The following ULK4 variants were observed in gnomAD, a reference collection of about 807,000 sequenced individuals.
The protein encoded by ULK4 is inactive serine/threonine-protein kinase ULK4.
In ULK4, 133 loss-of-function variants were observed where a neutral mutation model predicts 160.6. The ratio of observed to expected loss-of-function variants is 0.83; its 90% confidence interval spans 0.72 to 0.96. The LOEUF is 0.96. ULK4 is among the 40% of genes least tolerant of loss of function. The probability of loss-of-function intolerance (pLI) is 0.00; values close to 1 mark genes in which losing one functional copy is unlikely to be tolerated. For synonymous variants in ULK4, 534 were observed against 539.8 expected, an observed-to-expected ratio of 0.99 and a Z score of 0.15; for missense variants, 1,580 against 1,499.5, an observed-to-expected ratio of 1.05 and a Z score of -0.89.
chr3:41,495,622 A>G (rs7373305), intron 32 of ULK4, among the ~76,000 whole-genome samples: 58,242 of 147,038 alleles, frequency 0.4, 11,580 homozygotes, highest in African/African-American at 0.42. Flanking sequence ...AAAAGAAACT[A>G]CCATCAGAGT....
intron 35 of ULK4, among the ~76,000 whole-genome samples, chr3:41,323,391 A>C (rs979102172): frequency 3.3e-5 from 4 of 120,266 alleles, no homozygotes; most frequent in East Asian, 5.1e-4. Context: ...CCTGAACAAT[A>C]ACACACACAC....
chr3:41,411,509 C>T (rs1042830832), intron 34 of ULK4, among the ~76,000 whole-genome samples: 42 of 151,596 alleles, frequency 2.8e-4, no homozygotes, highest in African/African-American at 9.9e-4. Flanking sequence ...CTCACTGCAA[C>T]CTCTGCCTCC....
intron 19 of ULK4, among the ~76,000 whole-genome samples, chr3:41,807,143 T>A (rs573077567): frequency 1.3e-5 from 2 of 151,652 alleles, no homozygotes; most frequent in Non-Finnish European, 2.9e-5. Context: ...AATAAAAAAA[T>A]TTACAACACA....
intron 33 of ULK4, among the ~76,000 whole-genome samples, chr3:41,456,650 A>T (rs1330854287): frequency 6.6e-6 from 1 of 152,200 alleles, no homozygotes; most frequent in East Asian, 1.9e-4. Flanking sequence ...TTATATTAAA[A>T]AATGGTATGG....
intron 35 of ULK4, among the ~76,000 whole-genome samples, chr3:41,267,026 G>C (rs1305554739): frequency 1.4e-5 from 2 of 143,308 alleles, no homozygotes; most frequent in Non-Finnish European, 3.1e-5. Context: ...ATTGGGGGGG[G>C]GGGGTTTAAG....
chr3:41,498,305 T>C (rs1446352985), intron 32 of ULK4, among the ~76,000 whole-genome samples: 1 of 152,156 alleles, frequency 6.6e-6, no homozygotes, highest in Non-Finnish European at 1.5e-5. Flanking sequence ...AAAACACTCA[T>C]GGGTCAAAGA....
intron 30 of ULK4, among the ~76,000 whole-genome samples, chr3:41,653,614 C>A (rs1039206125): frequency 1.3e-5 from 2 of 152,166 alleles, no homozygotes; most frequent in Admixed American, 6.5e-5. Context: ...AAGTTCTATT[C>A]CTTTAAAGCA....
At chr3:41,395,018 T>C (rs929978766) in intron 35 of ULK4, among the ~76,000 whole-genome samples, 1 of 152,054 alleles carries the variant, frequency 6.6e-6, no homozygotes, top group Admixed American at 6.6e-5. Context: ...GCTATTTCTG[T>C]TATTGTTGCT....
rs565097305 is a variant in ULK4, at chr3:41,789,947, T to C, written c.2011-104A>G. 18 of 1,068,048 alleles carry C rather than the reference T, an allele frequency of 1.7e-5. 1 individual carries two copies. The South Asian group carries it at 3.9e-4, about 23-fold the overall frequency. The allele number at this position is 1,068,048 out of a possible 1,614,324, so 66.2% of individuals were successfully genotyped here. ...GTGTCAAGGAGTAGAAGGTGCTTAC[T>C]TGGCTCTTTTATTACTTATTTTGGC... On this transcript the variant is annotated intron_variant, in intron 20 of 36. Transcript: ENST00000301831.
intron 32 of ULK4, among the ~76,000 whole-genome samples, chr3:41,564,225 A>G (rs559539207): frequency 4.5e-4 from 69 of 152,206 alleles, no homozygotes; most frequent in Admixed American, 1.7e-3. Flanking sequence ...AGAACAGCAA[A>G]TATTTTTGGC....
At chr3:41,383,066 C>T (rs369906512) in intron 35 of ULK4, among the ~76,000 whole-genome samples, 38 of 151,298 alleles carry the variant, frequency 2.5e-4, no homozygotes, top group Middle Eastern at 3.5e-3. Flanking sequence ...TGTTTACAAC[C>T]ACAAGGAGGT....
intron 27 of ULK4, among the ~76,000 whole-genome samples, chr3:41,685,926 A>C (rs1328733598): frequency 6.6e-6 from 1 of 152,238 alleles, no homozygotes; most frequent in Non-Finnish European, 1.5e-5. Flanking sequence ...TGTACCTACA[A>C]CAACCAATTG....
chr3:41,282,956 A>G (rs1034504169), intron 35 of ULK4, among the ~76,000 whole-genome samples: 1 of 152,224 alleles, frequency 6.6e-6, no homozygotes, highest in Non-Finnish European at 1.5e-5. Context: ...ATTTACAAGA[A>G]AAAACAACCC....
At chr3:41,375,045 A>G (rs948520060) in intron 35 of ULK4, among the ~76,000 whole-genome samples, 3 of 152,186 alleles carry the variant, frequency 2.0e-5, no homozygotes, top group Admixed American at 6.5e-5. Flanking sequence ...TGCTACAAAG[A>G]GAATAAAATA....
chr3:41,813,953 C>A (rs78873559), intron 19 of ULK4, among the ~76,000 whole-genome samples: 42 of 152,280 alleles, frequency 2.8e-4, no homozygotes, highest in African/African-American at 1.0e-3. Flanking sequence ...CCCAGTGTGT[C>A]TTGGAGTGAA....
At chr3:41,498,576 CTTTT>C (rs56321420) in intron 32 of ULK4, among the ~76,000 whole-genome samples, 98 of 144,054 alleles carry the variant, frequency 6.8e-4, no homozygotes, top group Admixed American at 7.5e-4. Context: ...TCTTTTTTTT[CTTTT>C]TTTTTTTTTT....
chr3:41,359,257 C>T (rs909319650), intron 35 of ULK4, among the ~76,000 whole-genome samples: 13 of 152,136 alleles, frequency 8.5e-5, no homozygotes, highest in South Asian at 4.2e-4. Flanking sequence ...CAGCTGACTC[C>T]GTCAGACTCG....
At chr3:41,756,831 C>T (rs1233877451) in intron 21 of ULK4, among the ~76,000 whole-genome samples, 1 of 152,112 alleles carries the variant, frequency 6.6e-6, no homozygotes, top group Non-Finnish European at 1.5e-5. Flanking sequence ...AAACACCAAA[C>T]AGCTCTAAGA....
chr3:41,887,006 T>G (rs556686022), intron 16 of ULK4, among the ~76,000 whole-genome samples: 3 of 152,174 alleles, frequency 2.0e-5, no homozygotes, highest in Non-Finnish European at 2.9e-5. Flanking sequence ...ATTCACACAT[T>G]CAAGCATCCT....
Sources: gnomAD v4.1 joint callset for allele counts (sites outside exome capture counted in the v4.1 genomes callset) on GRCh38, gnomAD v4.1.1 for gene constraint, MANE v1.5 for transcripts, NCBI Gene and HGNC (gene_info 2026-07-23, HGNC 2026-07-21) for gene names.